The following CTNND2 variants were observed in gnomAD, a reference collection of about 807,000 sequenced individuals.
CTNND2 encodes catenin delta-2.
A neutral mutation model predicts 144.4 loss-of-function variants in CTNND2; 22 were observed. The ratio of observed to expected loss-of-function variants is 0.15; its 90% confidence interval spans 0.11 to 0.22. CTNND2 has a LOEUF of 0.22. CTNND2 is among the 10% of genes least tolerant of loss of function. The pLI is 1.00. For synonymous variants in CTNND2, 751 were observed against 695.6 expected (o/e 1.08, Z -1.25); for missense variants, 1,353 against 1,618.8 (o/e 0.84, Z 2.82).
intron 16 of CTNND2, among the ~76,000 whole-genome samples, chr5:11,076,427 T>C (rs1748961658): frequency 6.6e-6 from 1 of 152,240 alleles, no homozygotes; most frequent in Non-Finnish European, 1.5e-5. Flanking sequence ...TTTGCTAAAC[T>C]TTCTGTTGAA....
intron 2 of CTNND2, among the ~76,000 whole-genome samples, chr5:11,722,873 C>T (rs1224386918): frequency 6.6e-6 from 1 of 152,090 alleles, no homozygotes; most frequent in Non-Finnish European, 1.5e-5. Flanking sequence ...TATGACATGC[C>T]ACCATTAAAC....
intron 12 of CTNND2, among the ~76,000 whole-genome samples, chr5:11,135,871 G>A (rs1479446081): frequency 6.6e-6 from 1 of 152,198 alleles, no homozygotes; most frequent in Non-Finnish European, 1.5e-5. Context: ...CTTTGCCCTT[G>A]CTCTCCATCT....
chr5:11,387,780 A>T (rs562791503), intron 6 of CTNND2, among the ~76,000 whole-genome samples: 4 of 152,218 alleles, frequency 2.6e-5, no homozygotes, highest in Non-Finnish European at 5.9e-5. Context: ...TGCCATTACC[A>T]AATAGCATAA....
chr5:11,688,028 C>T (rs1470061453), intron 2 of CTNND2, among the ~76,000 whole-genome samples: 1 of 152,016 alleles, frequency 6.6e-6, no homozygotes, highest in African/African-American at 2.4e-5. Flanking sequence ...CCGAATTTTG[C>T]CTGGGCGAGT....
intron 3 of CTNND2, among the ~76,000 whole-genome samples, chr5:11,556,333 C>T (rs1776235956): frequency 6.6e-6 from 1 of 151,862 alleles, no homozygotes; most frequent in African/African-American, 2.4e-5. Flanking sequence ...TTTATTTAAG[C>T]AAGAATAAAT....
chr5:11,038,734 C>T (rs1028033512), intron 16 of CTNND2, among the ~76,000 whole-genome samples: 1 of 152,126 alleles, frequency 6.6e-6, no homozygotes, highest in Non-Finnish European at 1.5e-5. Flanking sequence ...AAAGTGACCA[C>T]AAAACAAAAG....
At chr5:11,309,930 G>A (rs1215530213) in intron 9 of CTNND2, among the ~76,000 whole-genome samples, 4 of 152,038 alleles carry the variant, frequency 2.6e-5, no homozygotes, top group African/African-American at 9.7e-5. Flanking sequence ...CATGTAAGAT[G>A]TGCCTGCTTC....
At chr5:11,528,457 C>T (rs543594256) in intron 3 of CTNND2, among the ~76,000 whole-genome samples, 3 of 152,104 alleles carry the variant, frequency 2.0e-5, no homozygotes, top group Admixed American at 2.0e-4. Context: ...TTCAAGAGTT[C>T]GTCCTCCATG....
At chr5:11,342,944 A>G (rs2149734238) in intron 9 of CTNND2, among the ~76,000 whole-genome samples, 1 of 152,360 alleles carries the variant, frequency 6.6e-6, no homozygotes, top group South Asian at 2.1e-4. Flanking sequence ...TTCACATTTT[A>G]TGGAAAATAA....
chr5:11,784,946 G>T (rs1790748682), intron 1 of CTNND2, among the ~76,000 whole-genome samples: 1 of 152,150 alleles, frequency 6.6e-6, no homozygotes, highest in South Asian at 2.1e-4. Context: ...ATTGTTTTAA[G>T]CCACTAACTT....
At chr5:11,683,892 A>C (rs1784529540) in intron 2 of CTNND2, among the ~76,000 whole-genome samples, 1 of 152,012 alleles carries the variant, frequency 6.6e-6, no homozygotes, top group Non-Finnish European at 1.5e-5. Flanking sequence ...TCATTTCCTC[A>C]CTGTAACATG....
chr5:11,579,324 T>C (rs534850253), intron 2 of CTNND2, among the ~76,000 whole-genome samples: 1 of 152,324 alleles, frequency 6.6e-6, no homozygotes, highest in East Asian at 1.9e-4. Flanking sequence ...CAAAATGAAC[T>C]GTGACCAACA....
intron 2 of CTNND2, among the ~76,000 whole-genome samples, chr5:11,706,803 A>G (rs1003603301): frequency 1.3e-5 from 2 of 151,896 alleles, no homozygotes; most frequent in African/African-American, 4.8e-5. Flanking sequence ...ATAAGGAAGT[A>G]AGGCCAGCGC....
intron 1 of CTNND2, among the ~76,000 whole-genome samples, chr5:11,872,756 T>C (rs1239354098): frequency 6.6e-6 from 1 of 152,164 alleles, no homozygotes; most frequent in African/African-American, 2.4e-5. Flanking sequence ...TTTGTTTAAG[T>C]TCCTTGCAGA....
chr5:11,869,320 C>T (rs139782555), intron 1 of CTNND2, among the ~76,000 whole-genome samples: 1,615 of 152,300 alleles, frequency 0.011, 41 homozygotes, highest in African/African-American at 0.037. Context: ...GTGAAAGCAA[C>T]TCGAATGTCA....
intron 9 of CTNND2, among the ~76,000 whole-genome samples, chr5:11,257,423 GAA>G (rs1744372055): frequency 6.6e-6 from 1 of 152,176 alleles, no homozygotes; most frequent in African/African-American, 2.4e-5. Flanking sequence ...AATTTACAAA[GAA>G]AAGAGGTTTA....
intron 3 of CTNND2, among the ~76,000 whole-genome samples, chr5:11,543,394 C>A (rs773840695): frequency 1.3e-5 from 2 of 152,170 alleles, no homozygotes; most frequent in African/African-American, 4.8e-5. Flanking sequence ...ATACAGGTAT[C>A]TACAGATAAA....
chr5:11,281,521 C>T (rs1313048928), intron 9 of CTNND2, among the ~76,000 whole-genome samples: 1 of 152,224 alleles, frequency 6.6e-6, no homozygotes, highest in Non-Finnish European at 1.5e-5. Context: ...TGGACTGAAT[C>T]TGTTTTCCTA....
chr5:11,042,396 C>A (rs1744768881), intron 16 of CTNND2, among the ~76,000 whole-genome samples: 1 of 152,208 alleles, frequency 6.6e-6, no homozygotes, highest in South Asian at 2.1e-4. Context: ...GTTATACACG[C>A]ACACCTTGTT....
Sources: allele counts gnomAD v4.1 joint callset (sites outside exome capture counted in the v4.1 genomes callset), GRCh38; gene constraint gnomAD v4.1.1; transcripts MANE v1.5; gene names NCBI Gene and HGNC (gene_info 2026-07-23, HGNC 2026-07-21).